Variants in LMO7 observed in about 807,000 individuals in gnomAD.
LMO7 encodes LIM domain only protein 7.
A neutral mutation model predicts 206.5 loss-of-function variants in LMO7; 120 were observed. That is an observed-to-expected ratio of 0.58 (90% CI 0.50 to 0.68). The LOEUF is 0.68. LMO7 is among the 30% of genes least tolerant of loss of function. LMO7 has a pLI of 0.00. For missense variants in LMO7, 1,959 were observed against 1,957.9 expected, an observed-to-expected ratio of 1.00 and a Z score of -0.01; for synonymous variants, 706 against 681.5, an observed-to-expected ratio of 1.04 and a Z score of -0.56.
At chr13:75,685,695 G>A (rs2040914818) in intron 1 of LMO7, among the ~76,000 whole-genome samples, 1 of 152,012 alleles carries the variant, frequency 6.6e-6, no homozygotes, top group African/African-American at 2.4e-5. Context: ...GCCTGGAATG[G>A]TGGCTGATAG....
At chr13:75,737,936 C>G (rs1354814672) in intron 3 of LMO7, among the ~76,000 whole-genome samples, 1 of 145,690 alleles carries the variant, frequency 6.9e-6, no homozygotes, top group Non-Finnish European at 1.5e-5. Context: ...TTTGGTGTCT[C>G]TTAGTTGAGG....
Position 75,807,905 on chromosome 13 carries a change from T to C in LMO7, c.1622T>C (p.Val541Ala), listed in dbSNP as rs746043521. 3.7e-6 allele frequency: 6 copies of C among 1,613,900 alleles called. No homozygotes were observed. The highest frequency in any genetic ancestry group is 5.1e-6 in the Non-Finnish European group (6 of 1,179,870). Residue 541 changes from valine (V) to alanine (A), a missense_variant, in exon 10 of 31, where the codon GTC becomes GCC. Coordinates refer to ENST00000377534, the MANE Select transcript of LMO7 (RefSeq NM_001306080.2). ...GGGGCCCCAGATAGATACCACCCAGTCCCTTTTCCCGAACCCTGGACTCTT... is the reference window on the plus strand; with the variant it reads ...GGGGCCCCAGATAGATACCACCCAGCCCCTTTTCCCGAACCCTGGACTCTT... ...LSGAPDRYHP[V>A]PFPEPWTLPP... is the part of the protein sequence containing the mutation.
chr13:75,720,743 G>A (rs886640321), intron 2 of LMO7, among the ~76,000 whole-genome samples: 6 of 152,250 alleles, frequency 3.9e-5, no homozygotes, highest in Middle Eastern at 3.4e-3. Context: ...AATTACATTG[G>A]TACTGACGTT....
intron 1 of LMO7, among the ~76,000 whole-genome samples, chr13:75,680,427 C>T (rs751776290): frequency 2.6e-5 from 4 of 152,194 alleles, no homozygotes; most frequent in Non-Finnish European, 5.9e-5. Flanking sequence ...AATGGGATTG[C>T]TGGTGAAATC....
intron 6 of LMO7, among the ~76,000 whole-genome samples, chr13:75,799,803 A>G (rs2054504089): frequency 6.6e-6 from 1 of 152,212 alleles, no homozygotes; most frequent in Non-Finnish European, 1.5e-5. Context: ...TCAGGACTAC[A>G]CCATGGGCTT....
chr13:75,858,029 C>T lies in LMO7; in HGVS notation c.*86C>T. ...AGATCTATAAATATGTGTTGTATGT[C>T]TTTTTTGCTTTTTTTTTAAAAAAAA... is the stretch of plus-strand genomic sequence containing the variant. On this transcript the variant is annotated 3_prime_UTR_variant, in exon 31 of 31. Transcript: ENST00000377534. 2.0e-6 allele frequency: 3 copies of T among 1,494,746 alleles called. No homozygotes were observed. Among genetic ancestry groups the T allele is most frequent in the South Asian group, 2.5e-5 (2 of 79,044 alleles). 92.6% of individuals were successfully genotyped at this position (1,494,746 alleles called of 1,614,324 possible).
intron 15 of LMO7, among the ~76,000 whole-genome samples, chr13:75,824,100 A>C (rs939426242): frequency 6.6e-6 from 1 of 152,198 alleles, no homozygotes; most frequent in Non-Finnish European, 1.5e-5. Context: ...GACTTTGTGC[A>C]CCAGTCTCCT....
At position 75,735,823 on chromosome 13, in the gene LMO7, CTT is replaced by C. The variant is rs564779230; in HGVS notation, c.210+8726_210+8727del. ...ACAAATAAGCTTTATATAAAAATGACTTATAAAATAACTTATTATTATATAAT... is the reference window on the plus strand; with the variant it reads ...ACAAATAAGCTTTATATAAAAATGACATAAAATAACTTATTATTATATAAT... On this transcript the variant is annotated intron_variant, in intron 3 of 30. Transcript: ENST00000377534. 2.7e-3 allele frequency among the ~76,000 whole-genome samples: 415 copies of C among 151,798 alleles called. 3 individuals are homozygous for C. The highest frequency in any genetic ancestry group is 9.7e-3 in the African/African-American group (403 of 41,416).
intron 11 of LMO7, among the ~76,000 whole-genome samples, chr13:75,810,662 A>G (rs1008874367): frequency 2.0e-5 from 3 of 152,242 alleles, no homozygotes; most frequent in Non-Finnish European, 4.4e-5. Flanking sequence ...AAAAATTTTC[A>G]TTTGTAAATT....
chr13:75,652,267 A>G (rs1204852031), intron 1 of LMO7, among the ~76,000 whole-genome samples: 1 of 151,700 alleles, frequency 6.6e-6, no homozygotes, highest in Non-Finnish European at 1.5e-5. Context: ...TGCTTTCTGG[A>G]TTCTCAACCA....
At chr13:75,657,140 C>A (rs1594099464) in intron 1 of LMO7, among the ~76,000 whole-genome samples, 1 of 152,142 alleles carries the variant, frequency 6.6e-6, no homozygotes, top group South Asian at 2.1e-4. Context: ...GGCAAGGATG[C>A]CAAAGACTGC....
rs2061131131 is a variant in LMO7, at chr13:75,858,536, G to A, written c.*593G>A. On this transcript the variant is annotated 3_prime_UTR_variant, in exon 31 of 31. Coordinates refer to ENST00000377534, the MANE Select transcript of LMO7 (RefSeq NM_001306080.2). Reference sequence around the variant, plus strand: ...GAGCTCTATTTTCTTTACCAGAAATGTTGCTAAGTAATTCCCAATAGAAAG... The same window carrying A: ...GAGCTCTATTTTCTTTACCAGAAATATTGCTAAGTAATTCCCAATAGAAAG... The A allele has an allele frequency of 6.6e-6, 1 of 152,580 alleles. No individual in the cohort carries two copies. 9.5% of individuals were successfully genotyped at this position (152,580 alleles called of 1,614,324 possible).
At chr13:75,654,965 G>A (rs1566278819) in intron 1 of LMO7, among the ~76,000 whole-genome samples, 2 of 149,828 alleles carry the variant, frequency 1.3e-5, no homozygotes, top group South Asian at 2.1e-4. Flanking sequence ...TCTGCCTCCC[G>A]GGTTCCTCGA....
chr13:75,770,537 A>G (rs574766470), intron 4 of LMO7, among the ~76,000 whole-genome samples: 1 of 152,120 alleles, frequency 6.6e-6, no homozygotes, highest in Non-Finnish European at 1.5e-5. Context: ...AGCCAAAAGT[A>G]GAGAAGCAGA....
intron 3 of LMO7, among the ~76,000 whole-genome samples, chr13:75,758,041 C>T (rs9805323): frequency 0.14 from 20,550 of 152,046 alleles, 1,987 homozygotes; most frequent in East Asian, 0.35. Flanking sequence ...TACAGATTCA[C>T]AAACTGCTCA....
At chr13:75,679,543 A>G (rs2040302909) in intron 1 of LMO7, among the ~76,000 whole-genome samples, 1 of 152,166 alleles carries the variant, frequency 6.6e-6, no homozygotes, top group South Asian at 2.1e-4. Flanking sequence ...CCTGGCTCCT[A>G]CCCTGGACAC....
At chr13:75,734,158 T>A (rs1396999692) in intron 3 of LMO7, among the ~76,000 whole-genome samples, 1 of 152,200 alleles carries the variant, frequency 6.6e-6, no homozygotes, top group Non-Finnish European at 1.5e-5. Context: ...ATGAATGTGA[T>A]GGTTCTGTAG....
intron 3 of LMO7, 142 bp downstream of exon 3, chr13:75,727,240 T>C (rs1159499755): frequency 2.0e-6 from 1 of 499,552 alleles, no homozygotes. Flanking sequence ...TTTGGTGATG[T>C]CCTCCTTTTA....
chr13:75,742,477 T>C (rs1412284413), intron 3 of LMO7, among the ~76,000 whole-genome samples: 1 of 152,120 alleles, frequency 6.6e-6, no homozygotes. Context: ...CAAACTATAC[T>C]ACAGGGCTAT....
Sources: allele counts gnomAD v4.1 joint callset (sites outside exome capture counted in the v4.1 genomes callset), GRCh38; gene constraint gnomAD v4.1.1; transcripts MANE v1.5; gene names NCBI Gene and HGNC (gene_info 2026-07-23, HGNC 2026-07-21).